Variants in CDS1 observed in about 807,000 individuals in gnomAD.
CDS1 encodes CDP-diacylglycerol synthase 1.
CDS1 carries 41 observed loss-of-function variants against 62.1 expected under a neutral mutation model. The observed-to-expected ratio is 0.66, with a 90% CI of 0.51 to 0.86. The LOEUF is 0.86. Among genes scored for constraint, CDS1 ranks in the 40% least tolerant of loss-of-function variants. The probability of loss-of-function intolerance (pLI) is 0.00; values close to 1 mark genes in which losing one functional copy is unlikely to be tolerated. For missense variants in CDS1, 470 were observed against 550.1 expected, an observed-to-expected ratio of 0.85 and a Z score of 1.46; for synonymous variants, 185 against 192.6, an observed-to-expected ratio of 0.96 and a Z score of 0.32.
At chr4:84,613,612 AAAAC>A (rs1255511091) in intron 3 of CDS1, among the ~76,000 whole-genome samples, 2 of 152,326 alleles carry the variant, frequency 1.3e-5, no homozygotes, top group East Asian at 3.9e-4. Context: ...TTTGTCTCAA[AAAAC>A]AAACAAACAA....
chr4:84,617,535 T>C, intron 3 of CDS1, 29 bp from the exon 4 acceptor site: 1 of 1,062,428 alleles, frequency 9.4e-7, no homozygotes. Context: ...CATTGAGAAA[T>C]GTATGTTAAT....
rs1296150369 is a variant in CDS1 at position 84,609,441 on chromosome 4, G to T, written c.258G>T (p.Trp86Cys). Residue 86 changes from tryptophan (W) to cysteine (C), a missense_variant, in exon 3 of 13, where the codon TGG becomes TGT. Physicochemically the swap from Trp to Cys is radical, Grantham distance 215. Coordinates refer to ENST00000295887, the MANE Select transcript of CDS1 (RefSeq NM_001263.4). ...ATTTTCTTTGTAGGTGGAAAAACTG[G>T]TGGATACGTGGAATTCTCACTCTAA... ...LSGLSSRWKN[W>C]WIRGILTLTM... is the part of the protein sequence containing the mutation. 6.2e-7 allele frequency: 1 copy of T among 1,604,576 alleles called. No homozygotes were observed. Among genetic ancestry groups the T allele is most frequent in the East Asian group, 2.2e-5 (1 of 44,754 alleles).
chr4:84,624,569 C>T (rs1052192314), intron 5 of CDS1, among the ~76,000 whole-genome samples: 16 of 151,980 alleles, frequency 1.1e-4, no homozygotes, highest in African/African-American at 3.4e-4. Context: ...ATTGGCACAT[C>T]TACATCTATC....
rs1723602709 is a variant in CDS1, at chr4:84,619,398, T to C, written c.445T>C (p.Phe149Leu). The C allele has an allele frequency of 4.0e-6, 6 of 1,504,428 alleles. No homozygotes were observed. The highest frequency in any genetic ancestry group is 5.4e-6 in the Non-Finnish European group (6 of 1,105,524). The allele number at this position is 1,504,428 out of a possible 1,614,324, so 93.2% of individuals were successfully genotyped here. A position where few individuals can be genotyped will look rare whatever the true frequency, so the allele number is the denominator to read the frequency against. ...CTAATTGTTTTTAAATTATAGGTACTTTCTATTGTGTGTAAACTACTTTTT... is the reference window on the plus strand; with the variant it reads ...CTAATTGTTTTTAAATTATAGGTACCTTCTATTGTGTGTAAACTACTTTTT... ...LPWFRTLSWYFLLCVNYFFYG... is the reference protein window; with the variant it reads ...LPWFRTLSWYLLLCVNYFFYG... The change falls in exon 5 of 13, where the codon TTT becomes CTT. Residue 149 changes from phenylalanine to leucine, a missense_variant. By Grantham distance (22) the Phe-to-Leu change is conservative. Coordinates refer to ENST00000295887, the MANE Select transcript of CDS1 (RefSeq NM_001263.4).
chr4:84,625,218 A>G (rs1051316774), intron 5 of CDS1, among the ~76,000 whole-genome samples: 2 of 152,044 alleles, frequency 1.3e-5, no homozygotes, highest in African/African-American at 4.8e-5. Flanking sequence ...ATGTTTTACC[A>G]TTTCTTATTT....
chr4:84,629,047 T>G (rs938182787), intron 5 of CDS1, among the ~76,000 whole-genome samples: 3 of 152,212 alleles, frequency 2.0e-5, no homozygotes, highest in African/African-American at 7.2e-5. Flanking sequence ...TTATTTATAC[T>G]ACTACAACAC....
chr4:84,637,232 C>G (rs1724239349), intron 8 of CDS1, among the ~76,000 whole-genome samples: 1 of 152,188 alleles, frequency 6.6e-6, no homozygotes, highest in Non-Finnish European at 1.5e-5. Flanking sequence ...AGCTTGAATA[C>G]ATGATTTACG....
At chr4:84,596,085 T>G (rs898103609) in intron 1 of CDS1, among the ~76,000 whole-genome samples, 3 of 152,126 alleles carry the variant, frequency 2.0e-5, no homozygotes, top group African/African-American at 7.2e-5. Flanking sequence ...GATAGAGAGA[T>G]GACAGTCATA....
Position 84,631,928 on chromosome 4 carries a change from A to G in CDS1, c.639+51A>G, listed in dbSNP as rs554765709. On this transcript the variant is annotated intron_variant, in intron 6 of 12. Transcript: ENST00000295887. ...TCATTATCTGTGATAAAAACCCTTA[A>G]CTTTTTTTTTTCTGTAGTGAGAAGA... 4.6e-5 allele frequency: 62 copies of G among 1,337,386 alleles called. 1 individual carries two copies. The South Asian group carries it at 7.2e-4, about 15-fold the overall frequency. The allele number at this position is 1,337,386 out of a possible 1,614,324, so 82.8% of individuals were successfully genotyped here. A position where few individuals can be genotyped will look rare whatever the true frequency, so the allele number is the denominator to read the frequency against.
intron 1 of CDS1, among the ~76,000 whole-genome samples, chr4:84,588,297 T>G (rs909040342): frequency 6.6e-6 from 1 of 152,188 alleles, no homozygotes; most frequent in Admixed American, 6.5e-5. Context: ...AGTTAACGTC[T>G]CTCCTCCATT....
At chr4:84,592,087 A>G (rs1361911290) in intron 1 of CDS1, among the ~76,000 whole-genome samples, 1 of 151,808 alleles carries the variant, frequency 6.6e-6, no homozygotes, top group Non-Finnish European at 1.5e-5. Context: ...GAACTTATTT[A>G]ATGAGAATGA....
chr4:84,640,917 A>C lies in CDS1; in HGVS notation c.959A>C (p.Glu320Ala). Residue 320 changes from glutamate (E) to alanine (A), a missense_variant, in exon 10 of 13, where the codon GAA (glutamate) becomes GCA (alanine). Transcript: ENST00000295887. ...YRSDVNSFVT[E>A]CEPSELFQLQ... ...AGTGATGTAAACTCCTTCGTGACAG[A>C]ATGTGAGCCCTCAGAACTTTTCCAG... 1 of 1,611,894 alleles carries C rather than the reference A, an allele frequency of 6.2e-7. No individual in the cohort carries two copies. Among genetic ancestry groups the C allele is most frequent in the Non-Finnish European group, 8.5e-7 (1 of 1,179,198 alleles).
At chr4:84,624,253 G>GAC (rs1375816892) in intron 5 of CDS1, among the ~76,000 whole-genome samples, 8 of 130,372 alleles carry the variant, frequency 6.1e-5, no homozygotes, top group Non-Finnish European at 1.3e-4. Context: ...CAGCCTGGGA[G>GAC]ACAGAGCAAG....
At chr4:84,609,357 G>T (rs1347372017) in intron 2 of CDS1, 72 bp from the exon 3 acceptor site, 2 of 906,576 alleles carry the variant, frequency 2.2e-6, no homozygotes, top group Non-Finnish European at 3.6e-6. Context: ...CATAAATCTG[G>T]CAAATCAATA....
Position 84,609,449 on chromosome 4 carries a change from G to A in CDS1, c.266G>A (p.Arg89His), listed in dbSNP as rs1234004537. Residue 89 changes from arginine (R) to histidine (H), a missense_variant, in exon 3 of 13, where the codon CGT becomes CAT. Arg to His is a conservative substitution (Grantham distance 29). Transcript: ENST00000295887. Reference sequence around the variant, plus strand: ...TGTAGGTGGAAAAACTGGTGGATACGTGGAATTCTCACTCTAACTATGATC... The same window carrying A: ...TGTAGGTGGAAAAACTGGTGGATACATGGAATTCTCACTCTAACTATGATC... ...LSSRWKNWWI[R>H]GILTLTMISL... The A allele has an allele frequency of 1.1e-5, 18 of 1,607,374 alleles. No homozygotes were observed. The highest frequency in any genetic ancestry group is 3.3e-5 in the Admixed American group (2 of 59,936).
At chr4:84,592,258 C>G (rs544295484) in intron 1 of CDS1, among the ~76,000 whole-genome samples, 14 of 150,946 alleles carry the variant, frequency 9.3e-5, no homozygotes, top group African/African-American at 2.2e-4. Flanking sequence ...TCGCCTCCCC[C>G]GCTCCCCGTT....
chr4:84,609,051 C>T (rs1328083204), intron 2 of CDS1, among the ~76,000 whole-genome samples: 3 of 151,756 alleles, frequency 2.0e-5, no homozygotes, highest in Non-Finnish European at 2.9e-5. Flanking sequence ...TGGTGGCGGG[C>T]ACCTGTGGTC....
chr4:84,643,578 A>G (rs1222827955), intron 11 of CDS1, among the ~76,000 whole-genome samples: 2 of 152,246 alleles, frequency 1.3e-5, no homozygotes, highest in Non-Finnish European at 2.9e-5. Context: ...AAGGGCAAAC[A>G]ATACATTTAT....
chr4:84,627,200 T>C (rs773365269), intron 5 of CDS1, among the ~76,000 whole-genome samples: 61 of 152,328 alleles, frequency 4.0e-4, no homozygotes, highest in Non-Finnish European at 8.2e-4. Flanking sequence ...AATTACTTCA[T>C]TGACATTGAA....
Sources: allele counts gnomAD v4.1 joint callset (sites outside exome capture counted in the v4.1 genomes callset), GRCh38; gene constraint gnomAD v4.1.1; transcripts MANE v1.5; gene names NCBI Gene and HGNC (gene_info 2026-07-23, HGNC 2026-07-21).